Variants in OLA1 observed in about 807,000 individuals in gnomAD.
OLA1 encodes the protein obg-like ATPase 1.
OLA1 carries 14 observed loss-of-function variants against 48.4 expected under a neutral mutation model. The observed-to-expected ratio is 0.29, with a 90% CI of 0.19 to 0.45. The LOEUF (loss-of-function observed/expected upper bound fraction) is 0.45. Ranked by LOEUF, OLA1 falls within the 20% of genes least tolerant of loss-of-function variation. The pLI is 1.00. For missense variants in OLA1, 325 were observed against 467.1 expected, an observed-to-expected ratio of 0.70 and a Z score of 2.80; for synonymous variants, 127 against 150.4, an observed-to-expected ratio of 0.84 and a Z score of 1.14.
At chr2:174,216,180 G>A (rs1238379304) in intron 4 of OLA1, among the ~76,000 whole-genome samples, 1 of 152,026 alleles carries the variant, frequency 6.6e-6, no homozygotes, top group East Asian at 1.9e-4. Context: ...GTGCACACCT[G>A]TAGTCCTAGC....
intron 4 of OLA1, among the ~76,000 whole-genome samples, chr2:174,156,534 T>A (rs896464241): frequency 2.0e-5 from 3 of 151,774 alleles, no homozygotes; most frequent in African/African-American, 7.3e-5. Context: ...TTCAGAGACG[T>A]ATTCTTGTGA....
chr2:174,236,650 TATTTACA>T (rs1225266803), intron 2 of OLA1, among the ~76,000 whole-genome samples: 7 of 152,152 alleles, frequency 4.6e-5, no homozygotes, highest in Non-Finnish European at 8.8e-5. Context: ...TTACAGAGTA[TATTTACA>T]CAAACCTAGA....
chr2:174,159,611 C>G (rs1407612749), intron 4 of OLA1, among the ~76,000 whole-genome samples: 1 of 152,016 alleles, frequency 6.6e-6, no homozygotes, highest in East Asian at 1.9e-4. Context: ...TAAGACTTAT[C>G]TAAATGTTTA....
chr2:174,147,848 G>A (rs911380441), intron 4 of OLA1, among the ~76,000 whole-genome samples: 1 of 152,132 alleles, frequency 6.6e-6, no homozygotes, highest in Non-Finnish European at 1.5e-5. Flanking sequence ...TTTTGAGACA[G>A]AGTCTTGCTC....
intron 7 of OLA1, among the ~76,000 whole-genome samples, chr2:174,105,121 TAAAAAGCTCAAACAA>T (rs1272700023): frequency 6.6e-6 from 1 of 151,906 alleles, no homozygotes; most frequent in African/African-American, 2.4e-5. Flanking sequence ...TCACTCAGTT[TAAAAAGCTCAAACAA>T]AACTTTATAA....
chr2:174,169,190 C>A (rs1201272476), intron 4 of OLA1, among the ~76,000 whole-genome samples: 1 of 152,176 alleles, frequency 6.6e-6, no homozygotes, highest in African/African-American at 2.4e-5. Flanking sequence ...CATGATCTGC[C>A]TGCCTTGGCC....
At chr2:174,139,893 GA>G (rs201132877) in intron 5 of OLA1, among the ~76,000 whole-genome samples, 30 of 134,480 alleles carry the variant, frequency 2.2e-4, no homozygotes, top group South Asian at 1.2e-3. Flanking sequence ...AAGAAAGAAA[GA>G]AAAAAAAAAG....
chr2:174,212,256 A>C (rs1688261460), intron 4 of OLA1, among the ~76,000 whole-genome samples: 1 of 152,250 alleles, frequency 6.6e-6, no homozygotes, highest in Non-Finnish European at 1.5e-5. Flanking sequence ...TACTGAAAGC[A>C]CTTGTAACAC....
In OLA1 at chr2:174,074,697, A is replaced by AT. The variant is rs11460049; in HGVS notation, c.*728dup. 22,311 of 152,294 alleles carry AT rather than the reference A, an allele frequency of 0.15. 1,718 individuals are homozygous for AT. The highest frequency in any genetic ancestry group is 0.22 in the East Asian group (1,118 of 5,170). 9.4% of individuals were successfully genotyped at this position (152,294 alleles called of 1,614,324 possible). A position where few individuals can be genotyped will look rare whatever the true frequency, so the allele number is the denominator to read the frequency against. The stretch of plus-strand genomic sequence containing the variant: ...CAACAATAACAAACAAAATTCTTTA[A>AT]TTTTTGAGACAGAATTTTCTTCTTT... On this transcript the variant is annotated 3_prime_UTR_variant, in exon 11 of 11. Coordinates refer to ENST00000284719, the MANE Select transcript of OLA1 (RefSeq NM_013341.5).
chr2:174,224,527 T>A (rs1052008253), intron 3 of OLA1, among the ~76,000 whole-genome samples: 1 of 152,050 alleles, frequency 6.6e-6, no homozygotes, highest in African/African-American at 2.4e-5. Flanking sequence ...TCCCAAGTAT[T>A]TGGGAGGCTG....
chr2:174,120,799 C>T (rs1685897718), intron 7 of OLA1, among the ~76,000 whole-genome samples: 9 of 152,166 alleles, frequency 5.9e-5, no homozygotes, highest in Admixed American at 5.9e-4. Context: ...GCTAAAATAA[C>T]AACAGTTTTA....
At chr2:174,110,091 A>ATT (rs199583094) in intron 7 of OLA1, among the ~76,000 whole-genome samples, 1,365 of 110,932 alleles carry the variant, frequency 0.012, 44 homozygotes, top group African/African-American at 0.039. Context: ...TTTGCTAAGG[A>ATT]TTTTTTTTTT....
chr2:174,158,189 G>A (rs1159602913), intron 4 of OLA1, among the ~76,000 whole-genome samples: 1 of 152,170 alleles, frequency 6.6e-6, no homozygotes, highest in East Asian at 1.9e-4. Flanking sequence ...ACCACCAGGT[G>A]GTGCCAAATC....
rs140531935 is a variant in OLA1, at chr2:174,119,609, C to CA, written c.728+3570dup. ...AATATATTTATTCCATGATTCCCCC[C>CA]AAACCAAGCACATAATGTGTAGTAT... On this transcript the variant is annotated intron_variant, in intron 7 of 10. Coordinates refer to ENST00000284719, the MANE Select transcript of OLA1 (RefSeq NM_013341.5). Among the ~76,000 whole-genome samples, 1,342 of 152,092 alleles carry CA rather than the reference C, an allele frequency of 8.8e-3. 24 individuals are homozygous for CA. Among genetic ancestry groups the CA allele is most frequent in the African/African-American group, 0.03 (1,264 of 41,508 alleles).
chr2:174,245,456 A>G (rs965928338), intron 2 of OLA1, among the ~76,000 whole-genome samples: 9 of 152,226 alleles, frequency 5.9e-5, no homozygotes, highest in Admixed American at 5.9e-4. Context: ...ACCTAAGAAC[A>G]TGATTGTCCT....
chr2:174,076,914 G>A (rs759527067), intron 10 of OLA1, among the ~76,000 whole-genome samples: 6 of 151,864 alleles, frequency 4.0e-5, no homozygotes, highest in African/African-American at 7.3e-5. Flanking sequence ...ATAGCCCACT[G>A]TTATAAAACT....
intron 7 of OLA1, among the ~76,000 whole-genome samples, chr2:174,083,652 T>G (rs16823295): frequency 2.0e-5 from 3 of 152,112 alleles, no homozygotes; most frequent in Admixed American, 6.5e-5. Flanking sequence ...TATTCTAAGT[T>G]ACTTCACAGA....
chr2:174,103,091 T>C (rs1211645656), intron 7 of OLA1, among the ~76,000 whole-genome samples: 1 of 152,084 alleles, frequency 6.6e-6, no homozygotes, highest in East Asian at 1.9e-4. Flanking sequence ...TATATGCTAC[T>C]GGGGAACATC....
At chr2:174,191,095 C>T (rs934208624) in intron 4 of OLA1, among the ~76,000 whole-genome samples, 4 of 151,814 alleles carry the variant, frequency 2.6e-5, no homozygotes, top group African/African-American at 7.2e-5. Flanking sequence ...TTGAAAATTG[C>T]TAAGAGTAGA....
Sources: allele counts gnomAD v4.1 joint callset (sites outside exome capture counted in the v4.1 genomes callset), GRCh38; gene constraint gnomAD v4.1.1; transcripts MANE v1.5; gene names NCBI Gene and HGNC (gene_info 2026-07-23, HGNC 2026-07-21).